Variants in CNTN4 observed in about 807,000 individuals in gnomAD.
CNTN4 encodes contactin 4.
Under a neutral mutation model 122.5 loss-of-function variants are expected in CNTN4, and 77 were observed. The observed-to-expected ratio is 0.63, with a 90% confidence interval of 0.52 to 0.76. CNTN4 has a LOEUF of 0.76. Among genes scored for constraint, CNTN4 ranks in the 30% least tolerant of loss-of-function variants. The pLI is 0.00. For missense variants in CNTN4, 1,256 were observed against 1,259.1 expected, an observed-to-expected ratio of 1.00 and a Z score of 0.04; for synonymous variants, 512 against 447.0, an observed-to-expected ratio of 1.15 and a Z score of -1.83.
chr3:2,573,927 CT>C (rs1393162552), intron 4 of CNTN4, among the ~76,000 whole-genome samples: 5 of 152,124 alleles, frequency 3.3e-5, no homozygotes, highest in Non-Finnish European at 7.4e-5. Context: ...ATTTTTTAAA[CT>C]GCTTTAGGCC....
At chr3:2,514,237 A>G (rs2076976712) in intron 3 of CNTN4, among the ~76,000 whole-genome samples, 1 of 152,186 alleles carries the variant, frequency 6.6e-6, no homozygotes, top group African/African-American at 2.4e-5. Flanking sequence ...ATTTGGAAGC[A>G]GGACCTCTGC....
intron 2 of CNTN4, among the ~76,000 whole-genome samples, chr3:2,101,655 AT>A (rs2031971182): frequency 1.3e-5 from 2 of 151,936 alleles, no homozygotes; most frequent in South Asian, 4.1e-4. Context: ...ATTGATCTTC[AT>A]TATTATTATT....
At chr3:2,479,564 A>T (rs552646035) in intron 3 of CNTN4, among the ~76,000 whole-genome samples, 2 of 152,220 alleles carry the variant, frequency 1.3e-5, no homozygotes, top group African/African-American at 4.8e-5. Flanking sequence ...AATGAAACTT[A>T]CGCGATGCCC....
At chr3:2,212,462 C>T (rs1388022643) in intron 2 of CNTN4, among the ~76,000 whole-genome samples, 2 of 152,170 alleles carry the variant, frequency 1.3e-5, no homozygotes. Flanking sequence ...GGAGCAAAGT[C>T]ATGTCTTACA....
At chr3:2,330,290 A>G (rs1145032) in intron 2 of CNTN4, among the ~76,000 whole-genome samples, 49,446 of 152,078 alleles carry the variant, frequency 0.33, 8,244 homozygotes, top group Admixed American at 0.39. Context: ...GCACCTCCAC[A>G]TGTTGGGCAA....
chr3:2,898,423 G>A (rs928680555), intron 10 of CNTN4, among the ~76,000 whole-genome samples: 1 of 152,100 alleles, frequency 6.6e-6, no homozygotes, highest in African/African-American at 2.4e-5. Flanking sequence ...TTCTCATCTG[G>A]TTCCTTGACC....
chr3:2,120,352 TATATATATATATATATATATAA>T (rs1460629301), intron 2 of CNTN4, among the ~76,000 whole-genome samples: 4 of 42,402 alleles, frequency 9.4e-5, no homozygotes, highest in African/African-American at 2.5e-4. Context: ...GCATTTAGGT[TATATATATATATATATATATAA>T]ATATATATAT....
intron 2 of CNTN4, among the ~76,000 whole-genome samples, chr3:2,114,321 G>A (rs1193624008): frequency 2.0e-5 from 3 of 152,072 alleles, no homozygotes; most frequent in Non-Finnish European, 2.9e-5. Context: ...ACTAGCTGGC[G>A]TGTTGGTGCC....
intron 6 of CNTN4, among the ~76,000 whole-genome samples, chr3:2,814,285 G>A (rs2092679853): frequency 6.6e-6 from 1 of 152,198 alleles, no homozygotes; most frequent in African/African-American, 2.4e-5. Flanking sequence ...AAACAATGGT[G>A]CACGGATGTT....
intron 4 of CNTN4, among the ~76,000 whole-genome samples, chr3:2,584,694 T>C (rs1211240639): frequency 1.3e-4 from 4 of 31,440 alleles, no homozygotes; most frequent in African/African-American, 2.1e-4. Flanking sequence ...CAAAACTCCG[T>C]CTCAAAAAAA....
At chr3:2,388,252 A>C (rs1483989595) in intron 3 of CNTN4, among the ~76,000 whole-genome samples, 1 of 152,206 alleles carries the variant, frequency 6.6e-6, no homozygotes, top group Non-Finnish European at 1.5e-5. Flanking sequence ...TATGCTAAAT[A>C]CATGTTAAAT....
chr3:3,034,463 C>A (rs886634415), intron 16 of CNTN4, among the ~76,000 whole-genome samples, 169 bp from the exon 17 acceptor site: 1 of 152,114 alleles, frequency 6.6e-6, no homozygotes, highest in Non-Finnish European at 1.5e-5. Context: ...GGTTTCCAAG[C>A]CCAGGAAAGT....
chr3:2,847,702 A>C (rs1156607857), intron 7 of CNTN4, among the ~76,000 whole-genome samples: 3 of 152,172 alleles, frequency 2.0e-5, no homozygotes, highest in South Asian at 2.1e-4. Context: ...GGAATATTGA[A>C]TGCTCGTGCT....
intron 3 of CNTN4, among the ~76,000 whole-genome samples, chr3:2,425,929 C>T (rs1261558014): frequency 1.3e-5 from 2 of 152,138 alleles, no homozygotes; most frequent in African/African-American, 2.4e-5. Context: ...TATCCTGAGA[C>T]TTTGCTGAAG....
chr3:2,932,922 A>C (rs1404944020), intron 13 of CNTN4, among the ~76,000 whole-genome samples: 8 of 152,098 alleles, frequency 5.3e-5, no homozygotes, highest in Non-Finnish European at 7.4e-5. Flanking sequence ...TCCCGGGTTC[A>C]CATCATTCTC....
chr3:2,903,012 CT>C lies in CNTN4; in HGVS notation c.1207+10del, dbSNP rs769864878. ...GCAGAGCTTAGTGTTATAGGTGAGTCTTTATACTGGCAAGAAAAAAAAATTA... is the reference window on the plus strand; with the variant it reads ...GCAGAGCTTAGTGTTATAGGTGAGTCTTATACTGGCAAGAAAAAAAAATTA... On this transcript the variant is annotated splice_region_variant and intron_variant, in intron 12 of 24. Transcript: ENST00000418658. The C allele has an allele frequency of 3.7e-6, 6 of 1,612,992 alleles. No homozygotes were observed. The highest frequency in any genetic ancestry group is 5.1e-6 in the Non-Finnish European group (6 of 1,179,410).
At chr3:2,706,020 A>G (rs937663269) in intron 4 of CNTN4, among the ~76,000 whole-genome samples, 7 of 141,854 alleles carry the variant, frequency 4.9e-5, no homozygotes, top group Admixed American at 7.6e-5. Context: ...ATATATAAAT[A>G]TACATATTTA....
chr3:2,532,146 G>A (rs560786974), intron 3 of CNTN4, among the ~76,000 whole-genome samples: 1 of 152,220 alleles, frequency 6.6e-6, no homozygotes, highest in East Asian at 1.9e-4. Context: ...TAAATCTCCT[G>A]CTTATTGGAA....
chr3:2,892,108 C>T (rs1238455285), intron 10 of CNTN4: 2 of 152,288 alleles, frequency 1.3e-5, no homozygotes, highest in East Asian at 3.9e-4. Flanking sequence ...TAAGTTTATA[C>T]AGTAAAAAAC....
Sources: allele counts gnomAD v4.1 joint callset (sites outside exome capture counted in the v4.1 genomes callset), GRCh38; gene constraint gnomAD v4.1.1; transcripts MANE v1.5; gene names NCBI Gene and HGNC (gene_info 2026-07-23, HGNC 2026-07-21).